OSBPL10: variants seen among roughly 807,000 people sequenced by gnomAD.
The protein encoded by OSBPL10 is oxysterol-binding protein-related protein 10.
In OSBPL10, 49 loss-of-function variants were observed where a neutral mutation model predicts 81.7. The observed-to-expected ratio is 0.60, with a 90% CI of 0.48 to 0.76. The LOEUF (loss-of-function observed/expected upper bound fraction) is 0.76, where lower values mean the gene tolerates loss of function less well. OSBPL10 is among the 30% of genes least tolerant of loss of function. The pLI is 0.00. For missense variants in OSBPL10, 923 were observed against 987.8 expected (o/e 0.93, Z 0.88); for synonymous variants, 419 against 383.6 (o/e 1.09, Z -1.08).
intron 8 of OSBPL10, among the ~76,000 whole-genome samples, chr3:31,682,590 T>C (rs1385456717): frequency 6.6e-6 from 1 of 152,238 alleles, no homozygotes; most frequent in Non-Finnish European, 1.5e-5. Context: ...TAGTGAGGCC[T>C]TCCCACTGGC....
intron 2 of OSBPL10, among the ~76,000 whole-genome samples, chr3:32,029,089 A>G (rs1699443954): frequency 6.6e-6 from 1 of 152,064 alleles, no homozygotes; most frequent in African/African-American, 2.4e-5. Flanking sequence ...AGGCAGCCTC[A>G]TAATAGGTAA....
chr3:32,036,354 A>T (rs536424347), intron 2 of OSBPL10, among the ~76,000 whole-genome samples: 2 of 152,296 alleles, frequency 1.3e-5, no homozygotes, highest in African/African-American at 4.8e-5. Context: ...AGCCAAAAAA[A>T]ATTTAAGAGA....
At chr3:31,953,043 C>T (rs367865275) in intron 1 of OSBPL10, among the ~76,000 whole-genome samples, 19 of 151,378 alleles carry the variant, frequency 1.3e-4, no homozygotes, top group Middle Eastern at 3.2e-3. Flanking sequence ...AGCAATGCTC[C>T]GCCTCAGCCT....
intron 1 of OSBPL10, among the ~76,000 whole-genome samples, chr3:31,972,255 GGCGGAC>G (rs1416519559): frequency 3.3e-5 from 5 of 152,180 alleles, no homozygotes; most frequent in African/African-American, 9.7e-5. Context: ...TGGGTGTGGT[GGCGGAC>G]GCCTGTAATT....
At chr3:31,664,028 C>G in intron 11 of OSBPL10, 51 bp downstream of exon 11, 2 of 1,614,126 alleles carry the variant, frequency 1.2e-6, no homozygotes, top group Non-Finnish European at 1.7e-6. Flanking sequence ...TCTACCCTCT[C>G]AGGACAAGTT....
At chr3:31,857,372 A>G (rs1700938098) in intron 3 of OSBPL10, among the ~76,000 whole-genome samples, 1 of 152,190 alleles carries the variant, frequency 6.6e-6, no homozygotes. Context: ...CCTAATCTGA[A>G]CTGGCAGGAA....
Position 31,989,806 on chromosome 3 carries a change from T to C in OSBPL10, n.298+56685A>G, listed in dbSNP as rs757107453. 6 of 1,614,144 alleles carry C rather than the reference T, an allele frequency of 3.7e-6. No individual in the cohort carries two copies. In the South Asian group the frequency reaches 6.6e-5, roughly 18 times the overall value. ...GAGTGGCAAAGCCTTTAATTGTAGC[T>C]CACTCTTAAGGAAACATCAGATAAT... On this transcript the variant is annotated intron_variant and non_coding_transcript_variant, in intron 2 of 3. Coordinates refer to the OSBPL10 transcript ENST00000479173.
At chr3:31,749,895 T>G (rs1697658112) in intron 4 of OSBPL10, among the ~76,000 whole-genome samples, 1 of 151,946 alleles carries the variant, frequency 6.6e-6, no homozygotes, top group Non-Finnish European at 1.5e-5. Context: ...AAATTGCACC[T>G]CCAGGCCGGG....
chr3:31,827,698 T>G (rs1700135270), intron 4 of OSBPL10, among the ~76,000 whole-genome samples: 2 of 152,014 alleles, frequency 1.3e-5, no homozygotes, highest in African/African-American at 4.8e-5. Context: ...ACATCTGTAA[T>G]ACACAGGGAA....
intron 1 of OSBPL10, among the ~76,000 whole-genome samples, chr3:31,895,809 C>T (rs1204767295): frequency 6.6e-6 from 1 of 152,136 alleles, no homozygotes; most frequent in Admixed American, 6.5e-5. Flanking sequence ...CATGAATGGG[C>T]AAGAGCAACA....
intron 1 of OSBPL10, among the ~76,000 whole-genome samples, chr3:31,915,735 G>C (rs1336255356): frequency 6.6e-6 from 1 of 150,786 alleles, no homozygotes; most frequent in Non-Finnish European, 1.5e-5. Flanking sequence ...ACCTGCCCGT[G>C]TACCTCCAAA....
intron 2 of OSBPL10, among the ~76,000 whole-genome samples, chr3:32,014,260 C>T (rs565193633): frequency 2.0e-5 from 3 of 152,322 alleles, no homozygotes; most frequent in African/African-American, 4.8e-5. Flanking sequence ...ATCAAGTGGG[C>T]TTCATCCCTG....
chr3:31,681,562 T>A (rs927765030), intron 8 of OSBPL10, among the ~76,000 whole-genome samples: 2 of 152,212 alleles, frequency 1.3e-5, no homozygotes, highest in African/African-American at 4.8e-5. Flanking sequence ...CCAAAATCCA[T>A]GATCCCTTCT....
chr3:31,774,254 T>G (rs1378279841), intron 4 of OSBPL10, among the ~76,000 whole-genome samples: 12 of 151,926 alleles, frequency 7.9e-5, no homozygotes, highest in Admixed American at 7.9e-4. Context: ...GACCTATTGT[T>G]AGAGGGAGAG....
chr3:31,859,841 G>A (rs567058056), intron 3 of OSBPL10, among the ~76,000 whole-genome samples: 2 of 152,300 alleles, frequency 1.3e-5, no homozygotes, highest in South Asian at 4.2e-4. Flanking sequence ...TTACCTTGTA[G>A]TATAATCACA....
At chr3:31,836,200 T>C (rs919791833) in intron 3 of OSBPL10, among the ~76,000 whole-genome samples, 4 of 152,196 alleles carry the variant, frequency 2.6e-5, no homozygotes, top group African/African-American at 9.6e-5. Flanking sequence ...TAACCAGGCA[T>C]AGAAAATTTC....
chr3:31,664,244 T>C lies in OSBPL10; in HGVS notation c.2097-12A>G, dbSNP rs1559404417. On this transcript the variant is annotated splice_polypyrimidine_tract_variant and intron_variant, in intron 10 of 11. Transcript: ENST00000396556. ...CCCGCCAGAGGTTCCTGGGGATGCG[T>C]GGAGGAGAGGAAACAATCAGCCAGG... The C allele has an allele frequency of 6.2e-7, 1 of 1,611,258 alleles. No individual in the cohort carries two copies. Among genetic ancestry groups the C allele is most frequent in the Non-Finnish European group, 8.5e-7 (1 of 1,179,624 alleles).
Position 31,765,075 on chromosome 3 carries a change from C to T in OSBPL10, c.730-16955G>A, listed in dbSNP as rs189596437. On this transcript the variant is annotated intron_variant, in intron 4 of 11. Coordinates refer to ENST00000396556, the MANE Select transcript of OSBPL10 (RefSeq NM_017784.5). ...CTCTGTCACCCAGGCTGGAGTGCAGCGGCGAGATCATGGCTCACTGCAACC... is the reference window on the plus strand; with the variant it reads ...CTCTGTCACCCAGGCTGGAGTGCAGTGGCGAGATCATGGCTCACTGCAACC... Among the ~76,000 whole-genome samples, 139 of 152,008 alleles carry T rather than the reference C, an allele frequency of 9.1e-4. 1 individual carries two copies. The highest frequency in any genetic ancestry group is 3.4e-3 in the Middle Eastern group (1 of 294).
chr3:31,939,529 G>A (rs781749950), intron 1 of OSBPL10, among the ~76,000 whole-genome samples: 1 of 150,888 alleles, frequency 6.6e-6, no homozygotes, highest in African/African-American at 2.4e-5. Flanking sequence ...TCACAGTCAA[G>A]CTTCTAGATT....
Sources: gnomAD v4.1 joint callset for allele counts (sites outside exome capture counted in the v4.1 genomes callset) on GRCh38, gnomAD v4.1.1 for gene constraint, MANE v1.5 for transcripts, NCBI Gene and HGNC (gene_info 2026-07-23, HGNC 2026-07-21) for gene names.